DENND4A: variants seen among roughly 807,000 people sequenced by gnomAD.
DENND4A encodes C-myc promoter-binding protein.
DENND4A carries 70 observed loss-of-function variants against 199.3 expected under a neutral mutation model. The ratio of observed to expected loss-of-function variants is 0.35; its 90% CI spans 0.29 to 0.43. The LOEUF (loss-of-function observed/expected upper bound fraction) is 0.43. DENND4A is among the 20% of genes least tolerant of loss of function. DENND4A has a pLI of 1.00. For missense variants in DENND4A, 1,723 were observed against 2,255.8 expected, an observed-to-expected ratio of 0.76 and a Z score of 4.78; for synonymous variants, 686 against 766.9, an observed-to-expected ratio of 0.89 and a Z score of 1.74.
chr15:65,720,961 A>ATATG (rs1156354616), intron 12 of DENND4A, among the ~76,000 whole-genome samples: 1 of 61,728 alleles, frequency 1.6e-5, no homozygotes, highest in African/African-American at 5.4e-5. Flanking sequence ...ATATATATAT[A>ATATG]TATATATATA....
intron 23 of DENND4A, among the ~76,000 whole-genome samples, chr15:65,689,839 C>A (rs1014878221): frequency 6.6e-6 from 1 of 152,208 alleles, no homozygotes; most frequent in Non-Finnish European, 1.5e-5. Flanking sequence ...CCTAGATTTA[C>A]AACCTAGTGC....
chr15:65,709,695 C>CAAAAAAAAAAAAAAAAAAAAAAAAA (rs1171075195), intron 14 of DENND4A, among the ~76,000 whole-genome samples: 1 of 36,164 alleles, frequency 2.8e-5, no homozygotes, highest in Non-Finnish European at 4.7e-5. Flanking sequence ...AACTCCATCT[C>CAAAAAAAAAAAAAAAAAAAAAAAAA]AAAAAAAAAA....
chr15:65,703,655 T>A (rs953545240), intron 15 of DENND4A, among the ~76,000 whole-genome samples: 3 of 152,170 alleles, frequency 2.0e-5, no homozygotes, highest in African/African-American at 7.2e-5. Flanking sequence ...GAGACCAAGA[T>A]GCTCTGGACA....
chr15:65,749,007 CAA>C (rs1360894099), intron 4 of DENND4A, among the ~76,000 whole-genome samples: 2 of 144,460 alleles, frequency 1.4e-5, no homozygotes, highest in African/African-American at 5.1e-5. Context: ...AAAAAAAAAA[CAA>C]AAAGAAAAAC....
Position 65,702,443 on chromosome 15 carries a change from T to C in DENND4A, c.2292A>G (p.Leu764=), listed in dbSNP as rs377634735. 53 of 1,596,188 alleles carry C rather than the reference T, an allele frequency of 3.3e-5. No homozygotes were observed. The highest frequency in any genetic ancestry group is 1.3e-4 in the South Asian group (11 of 87,566). The change falls in exon 17 of 33, where the codon CTA becomes CTG. Residue 764 remains leucine (L), a synonymous_variant. Coordinates refer to ENST00000443035, the MANE Select transcript of DENND4A (RefSeq NM_001320835.1). The part of the protein sequence containing the change: ...SSIPQMWSRC[L]LRHCYGLWFI... ...ACCACAGTCCATAACAGTGGCGCAG[T>C]AGACACCTAGACCACATCTGAGGGA... is the stretch of plus-strand genomic sequence containing the variant.
chr15:65,672,604 C>A (rs2076248707), intron 24 of DENND4A, among the ~76,000 whole-genome samples: 1 of 150,230 alleles, frequency 6.7e-6, no homozygotes, highest in Non-Finnish European at 1.5e-5. Flanking sequence ...AGAATGAGAT[C>A]CTGACTCCAA....
rs907237940 is a variant in DENND4A, at chr15:65,698,707, T to C, written c.2834-1324A>G. On this transcript the variant is annotated intron_variant, in intron 20 of 32. Transcript: ENST00000443035. ...TGAAATTCATGCTTTTATTAGGTTT[T>C]ACACTATTTTAAGATAGCCTTTTTT... Among the ~76,000 whole-genome samples, 7 of 151,076 alleles carry C rather than the reference T, an allele frequency of 4.6e-5. No homozygotes were observed. The South Asian group carries it at 1.3e-3, about 27-fold the overall frequency.
intron 13 of DENND4A, among the ~76,000 whole-genome samples, chr15:65,716,860 C>A (rs1377152465): frequency 6.6e-6 from 1 of 151,922 alleles, no homozygotes; most frequent in African/African-American, 2.4e-5. Flanking sequence ...ACAGTCCCAC[C>A]AACAGTGTAA....
At chr15:65,748,291 T>C (rs2076466153) in intron 4 of DENND4A, among the ~76,000 whole-genome samples, 1 of 151,452 alleles carries the variant, frequency 6.6e-6, no homozygotes, top group Non-Finnish European at 1.5e-5. Flanking sequence ...CCACGCAAGA[T>C]AGGGTGAGAA....
chr15:65,779,862 C>G (rs939136571), intron 1 of DENND4A, among the ~76,000 whole-genome samples: 1 of 151,954 alleles, frequency 6.6e-6, no homozygotes, highest in African/African-American at 2.4e-5. Flanking sequence ...GTTGGCCAGG[C>G]TGGGATTACA....
At chr15:65,676,758 C>A in intron 23 of DENND4A, 124 bp from the exon 24 acceptor site, 1 of 721,764 alleles carries the variant, frequency 1.4e-6, no homozygotes, top group African/African-American at 1.8e-5. Flanking sequence ...ACTAATATTA[C>A]AACATCTAGA....
intron 12 of DENND4A, among the ~76,000 whole-genome samples, chr15:65,720,701 T>A (rs1211787047): frequency 6.7e-6 from 1 of 148,698 alleles, no homozygotes; most frequent in Admixed American, 6.7e-5. Flanking sequence ...TATGAGCCAC[T>A]ACGCCCAGTC....
At chr15:65,731,455 C>T (rs2075956366) in intron 9 of DENND4A, 187 bp downstream of exon 9, 2 of 619,512 alleles carry the variant, frequency 3.2e-6, no homozygotes, top group East Asian at 3.4e-5. Flanking sequence ...ATACAAAACA[C>T]TATTAGAAAA....
At chr15:65,756,502 C>T in intron 2 of DENND4A, 30 bp from the exon 3 acceptor site, 1 of 1,485,466 alleles carries the variant, frequency 6.7e-7, no homozygotes, top group Non-Finnish European at 9.0e-7. Context: ...CTAGTACTCC[C>T]CTATAATAAG....
chr15:65,684,778 T>C (rs1490756075), intron 23 of DENND4A, among the ~76,000 whole-genome samples: 1 of 151,974 alleles, frequency 6.6e-6, no homozygotes, highest in Non-Finnish European at 1.5e-5. Context: ...CTTGGCTTAA[T>C]TCAAGGTCTT....
intron 32 of DENND4A, among the ~76,000 whole-genome samples, chr15:65,663,041 C>T (rs1035220749): frequency 1.1e-4 from 17 of 151,850 alleles, no homozygotes; most frequent in African/African-American, 4.1e-4. Flanking sequence ...AGTTAAAAGG[C>T]CTAGCTCAAA....
chr15:65,771,811 T>C, intron 1 of DENND4A: 4 of 1,613,612 alleles, frequency 2.5e-6, no homozygotes, highest in Admixed American at 3.3e-5. Context: ...CGTGAGGTCA[T>C]ACTGTTTTCG....
chr15:65,749,090 A>G (rs574346923), intron 4 of DENND4A, among the ~76,000 whole-genome samples: 90 of 151,192 alleles, frequency 6.0e-4, no homozygotes, highest in African/African-American at 2.2e-3. Flanking sequence ...CAAAATTATG[A>G]AAAAAAAACC....
At chr15:65,698,365 G>A (rs569604875) in intron 20 of DENND4A, among the ~76,000 whole-genome samples, 1 of 152,280 alleles carries the variant, frequency 6.6e-6, no homozygotes, top group South Asian at 2.1e-4. Context: ...GTTTTCACCA[G>A]ATTAGTCACA....
Sources: gnomAD v4.1 joint callset for allele counts (sites outside exome capture counted in the v4.1 genomes callset) on GRCh38, gnomAD v4.1.1 for gene constraint, MANE v1.5 for transcripts, NCBI Gene and HGNC (gene_info 2026-07-23, HGNC 2026-07-21) for gene names.